NRG1: variants seen among roughly 807,000 people sequenced by gnomAD.
NRG1 encodes pro-neuregulin-1, membrane-bound isoform.
A neutral mutation model predicts 63.8 loss-of-function variants in NRG1; 18 were observed. That is an observed-to-expected ratio of 0.28 (90% confidence interval 0.19 to 0.42). The LOEUF is 0.42. Ranked by LOEUF, NRG1 falls within the 10% of genes least tolerant of loss-of-function variation. NRG1 has a pLI of 1.00. For synonymous variants in NRG1, 302 were observed against 301.3 expected, an observed-to-expected ratio of 1.00 and a Z score of -0.02; for missense variants, 762 against 814.7, an observed-to-expected ratio of 0.94 and a Z score of 0.79.
At chr8:32,345,992 AGT>A (rs942927135) in intron 1 of NRG1, among the ~76,000 whole-genome samples, 1 of 151,376 alleles carries the variant, frequency 6.6e-6, no homozygotes, top group Non-Finnish European at 1.5e-5. Flanking sequence ...TGGGTGACAG[AGT>A]GAAATCCTGT....
intron 1 of NRG1, among the ~76,000 whole-genome samples, chr8:31,721,679 T>C (rs1010984712): frequency 2.0e-5 from 3 of 152,176 alleles, no homozygotes; most frequent in Non-Finnish European, 4.4e-5. Context: ...GATTTTTTTC[T>C]TCCTTCTTCT....
At chr8:31,679,217 A>T (rs1274783845) in intron 1 of NRG1, among the ~76,000 whole-genome samples, 2 of 151,748 alleles carry the variant, frequency 1.3e-5, no homozygotes, top group Non-Finnish European at 2.9e-5. Flanking sequence ...TTGCTGCTAC[A>T]TTTGTTTTTA....
chr8:32,343,532 T>C (rs1303261396), intron 1 of NRG1, among the ~76,000 whole-genome samples: 1 of 152,214 alleles, frequency 6.6e-6, no homozygotes, highest in African/African-American at 2.4e-5. Flanking sequence ...AATGTCCATT[T>C]ACTCACAATA....
At chr8:31,751,415 A>G (rs1816447772) in intron 1 of NRG1, among the ~76,000 whole-genome samples, 1 of 151,968 alleles carries the variant, frequency 6.6e-6, no homozygotes. Flanking sequence ...CAACATTTGC[A>G]AAGAATCTTC....
chr8:32,359,883 T>C (rs1226523118), intron 1 of NRG1, among the ~76,000 whole-genome samples: 86 of 152,254 alleles, frequency 5.6e-4, no homozygotes, highest in Non-Finnish European at 1.2e-4. Flanking sequence ...GGCCAGAGAT[T>C]GTATGATGAC....
intron 1 of NRG1, among the ~76,000 whole-genome samples, chr8:31,941,341 C>G (rs996902657): frequency 6.6e-6 from 1 of 152,000 alleles, no homozygotes; most frequent in Non-Finnish European, 1.5e-5. Flanking sequence ...TTGACAAAAT[C>G]CAATCTCCCT....
chr8:31,820,040 G>C (rs769479912), intron 1 of NRG1, among the ~76,000 whole-genome samples: 3 of 152,000 alleles, frequency 2.0e-5, no homozygotes, highest in Non-Finnish European at 4.4e-5. Flanking sequence ...TCTGCCTCTA[G>C]GAATTATAAC....
chr8:32,564,170 C>G (rs886533432), intron 1 of NRG1, among the ~76,000 whole-genome samples: 3 of 152,044 alleles, frequency 2.0e-5, no homozygotes, highest in African/African-American at 7.3e-5. Context: ...TAAGCGTTGG[C>G]TGATAGGATA....
chr8:32,291,353 C>A (rs562291415), intron 1 of NRG1, among the ~76,000 whole-genome samples: 1 of 152,216 alleles, frequency 6.6e-6, no homozygotes, highest in Admixed American at 6.5e-5. Flanking sequence ...ACTGTGAAAC[C>A]ACTGACCTGG....
chr8:32,757,569 G>C (rs923757623), intron 9 of NRG1, among the ~76,000 whole-genome samples: 1 of 152,110 alleles, frequency 6.6e-6, no homozygotes, highest in Non-Finnish European at 1.5e-5. Flanking sequence ...ACACTCTGTT[G>C]CCTTTTCACC....
At chr8:32,392,167 A>T (rs1811856293) in intron 1 of NRG1, among the ~76,000 whole-genome samples, 1 of 152,186 alleles carries the variant, frequency 6.6e-6, no homozygotes, top group Admixed American at 6.5e-5. Flanking sequence ...AGCCTGCACT[A>T]TGATTAGATG....
chr8:31,901,382 C>G (rs1832066389), intron 1 of NRG1, among the ~76,000 whole-genome samples: 1 of 152,044 alleles, frequency 6.6e-6, no homozygotes, highest in Non-Finnish European at 1.5e-5. Flanking sequence ...GTACACCAAA[C>G]TATGTTGGAA....
chr8:31,806,808 T>C (rs1182004307), intron 1 of NRG1, among the ~76,000 whole-genome samples: 3 of 152,250 alleles, frequency 2.0e-5, no homozygotes, highest in African/African-American at 7.2e-5. Flanking sequence ...TAAGTGATCT[T>C]GTTTTCTAAT....
At chr8:31,967,578 T>C (rs1207074430) in intron 1 of NRG1, among the ~76,000 whole-genome samples, 2 of 152,176 alleles carry the variant, frequency 1.3e-5, no homozygotes, top group East Asian at 1.9e-4. Context: ...CAAGACAATT[T>C]GTTAAGGCTT....
At chr8:32,233,472 C>T (rs1036292612) in intron 1 of NRG1, among the ~76,000 whole-genome samples, 33 of 146,032 alleles carry the variant, frequency 2.3e-4, no homozygotes, top group African/African-American at 8.2e-4. Flanking sequence ...TAAAAGTATG[C>T]AAATATATTA....
intron 1 of NRG1, among the ~76,000 whole-genome samples, chr8:32,107,736 T>C (rs1831463323): frequency 6.6e-6 from 1 of 152,210 alleles, no homozygotes; most frequent in African/African-American, 2.4e-5. Flanking sequence ...ATTGATATTC[T>C]AGTAAAAGAG....
chr8:32,416,498 G>T (rs184834378), intron 1 of NRG1, among the ~76,000 whole-genome samples: 1 of 152,166 alleles, frequency 6.6e-6, no homozygotes, highest in African/African-American at 2.4e-5. Flanking sequence ...CTAAAGCAGC[G>T]ATTCTCGAAT....
At chr8:32,686,220 A>G (rs1044583086) in intron 5 of NRG1, among the ~76,000 whole-genome samples, 3 of 152,230 alleles carry the variant, frequency 2.0e-5, no homozygotes, top group African/African-American at 4.8e-5. Flanking sequence ...AAGACAAAAT[A>G]TATGGCAAAA....
At chr8:32,629,346 C>T (rs1016256935) in intron 5 of NRG1, among the ~76,000 whole-genome samples, 1 of 152,110 alleles carries the variant, frequency 6.6e-6, no homozygotes, top group Admixed American at 6.5e-5. Flanking sequence ...TCAGTTCCCA[C>T]ACCAGAATGT....
Sources: allele counts gnomAD v4.1 joint callset (sites outside exome capture counted in the v4.1 genomes callset), GRCh38; gene constraint gnomAD v4.1.1; transcripts MANE v1.5; gene names NCBI Gene and HGNC (gene_info 2026-07-23, HGNC 2026-07-21).